Variants in ABLIM2 observed in about 807,000 individuals in gnomAD.
ABLIM2 encodes the protein actin binding LIM protein family member 2, also known as actin-binding LIM protein 2.
A neutral mutation model predicts 97.7 loss-of-function variants in ABLIM2; 53 were observed. That is an observed-to-expected ratio of 0.54 (90% confidence interval 0.44 to 0.68). The LOEUF (loss-of-function observed/expected upper bound fraction) is 0.68. Ranked by LOEUF, ABLIM2 falls within the 30% of genes least tolerant of loss-of-function variation. The probability of loss-of-function intolerance (pLI) is 0.00; values close to 1 mark genes in which losing one functional copy is unlikely to be tolerated. For missense variants in ABLIM2, 835 were observed against 867.2 expected (o/e 0.96, Z 0.47); for synonymous variants, 361 against 345.8 (o/e 1.04, Z -0.49).
intron 1 of ABLIM2, among the ~76,000 whole-genome samples, chr4:8,111,436 A>G (rs1840238877): frequency 6.6e-6 from 1 of 152,238 alleles, no homozygotes; most frequent in African/African-American, 2.4e-5. Context: ...CATAGAACCT[A>G]TAACACTAAG....
rs990899386 is a variant in ABLIM2, at chr4:7,996,831, T to C, written c.1619-3904A>G. On this transcript the variant is annotated intron_variant, in intron 16 of 20. Transcript: ENST00000447017. The surrounding 1 kb of genome is among the most constrained non-coding windows in gnomAD (Gnocchi z 4.5). ...CGTCAGGACACTTCCTGCTGGCCTC[T>C]GTGGCTTCTGATGAGAAATCTGCTA... 6.6e-6 allele frequency among the ~76,000 whole-genome samples: 1 copy of C among 152,238 alleles called. No homozygotes were observed. The highest frequency in any genetic ancestry group is 2.4e-5 in the African/African-American group (1 of 41,470).
intron 1 of ABLIM2, among the ~76,000 whole-genome samples, chr4:8,126,627 G>A (rs572743451): frequency 3.6e-4 from 55 of 152,234 alleles, no homozygotes; most frequent in Middle Eastern, 3.4e-3. Context: ...AGGGAACTGC[G>A]GCATTCATGC....
chr4:8,014,142 A>G (rs10938681), intron 14 of ABLIM2, among the ~76,000 whole-genome samples: 143,071 of 152,344 alleles, frequency 0.94, 67,261 homozygotes, highest in East Asian at 1. Context: ...GACTGCAAGA[A>G]CCTGAGGCAA....
intron 16 of ABLIM2, chr4:8,007,069 C>T (rs1418458192): frequency 4.1e-6 from 4 of 985,368 alleles, no homozygotes; most frequent in Non-Finnish European, 4.8e-6. Flanking sequence ...CATTTCCAAG[C>T]TTCTGTGTCT....
At chr4:8,063,885 C>T (rs1805142065) in intron 6 of ABLIM2, among the ~76,000 whole-genome samples, 3 of 152,260 alleles carry the variant, frequency 2.0e-5, no homozygotes, top group Admixed American at 6.5e-5. Context: ...GGACTTGCTA[C>T]AGCCCCAGTC....
intron 6 of ABLIM2, among the ~76,000 whole-genome samples, chr4:8,062,187 A>G (rs1246007217): frequency 6.6e-6 from 1 of 152,108 alleles, no homozygotes. Context: ...GCTTTCTCTG[A>G]ACCCTTCCCC....
intron 9 of ABLIM2, among the ~76,000 whole-genome samples, chr4:8,040,865 T>A (rs1172900895): frequency 6.6e-6 from 1 of 152,174 alleles, no homozygotes; most frequent in Non-Finnish European, 1.5e-5. Context: ...TGGGAGCACG[T>A]GTCCTTGCAT....
intron 8 of ABLIM2, among the ~76,000 whole-genome samples, chr4:8,049,918 G>A (rs1251509322): frequency 1.3e-5 from 2 of 152,110 alleles, no homozygotes; most frequent in East Asian, 1.9e-4. Flanking sequence ...GGTAGAGAGC[G>A]GGTTTCACCA....
intron 1 of ABLIM2, among the ~76,000 whole-genome samples, chr4:8,145,136 C>T (rs1851582355): frequency 6.6e-6 from 1 of 152,072 alleles, no homozygotes; most frequent in East Asian, 1.9e-4. Context: ...AATCTACAGC[C>T]TCGCTCCTGT....
intron 8 of ABLIM2, among the ~76,000 whole-genome samples, chr4:8,053,058 C>T (rs1797041975): frequency 6.6e-6 from 1 of 152,238 alleles, no homozygotes; most frequent in South Asian, 2.1e-4. Context: ...GGTCACAGAC[C>T]ACCAGCCAGA....
Position 8,123,072 on chromosome 4 carries a change from C to T in ABLIM2, c.11-16435G>A, listed in dbSNP as rs972060466. 2.0e-5 allele frequency among the ~76,000 whole-genome samples: 3 copies of T among 152,190 alleles called. No individual in the cohort carries two copies. The highest frequency in any genetic ancestry group is 7.2e-5 in the African/African-American group (3 of 41,434). ...TCCTGGCATGAAGCAGTCCCCTGTG[C>T]GTGGTTAATGCCCTCAAAGCCCAGC... On this transcript the variant is annotated intron_variant, in intron 1 of 20. Coordinates refer to ENST00000447017, the MANE Select transcript of ABLIM2 (RefSeq NM_001130083.2). This position sits in a 1 kb window ranked among gnomAD's most constrained non-coding sequence, Gnocchi z 6.2.
At position 8,008,092 on chromosome 4, in the gene ABLIM2, G is replaced by A; in HGVS notation, c.1585C>T (p.Leu529Phe). Residue 529 changes from leucine to phenylalanine, a missense_variant, in exon 16 of 21, where the codon CTC (leucine) becomes TTC (phenylalanine). Leu to Phe is a conservative substitution (Grantham distance 22). Coordinates refer to ENST00000447017, the MANE Select transcript of ABLIM2 (RefSeq NM_001130083.2). ...SHSSGTDRDPLQRMAGDSFHS... is the reference protein window; with the variant it reads ...SHSSGTDRDPFQRMAGDSFHS... ...AAGCTGTCCCCTGCCATCCTTTGGA[G>A]AGGGTCTCTGTCGGTCCCGCTGCTG... 6.2e-7 allele frequency: 1 copy of A among 1,614,068 alleles called. No individual in the cohort carries two copies. Among genetic ancestry groups the A allele is most frequent in the Non-Finnish European group, 8.5e-7 (1 of 1,179,906 alleles).
At chr4:7,983,649 C>T (rs781369716) in intron 18 of ABLIM2, 95 bp from the exon 19 acceptor site, 138 of 1,459,598 alleles carry the variant, frequency 9.5e-5, no homozygotes, top group South Asian at 2.9e-4. Context: ...GTACCCCTGT[C>T]TCCCCCCTGC....
intron 14 of ABLIM2, among the ~76,000 whole-genome samples, chr4:8,012,906 T>C (rs1350013673): frequency 6.6e-6 from 1 of 152,226 alleles, no homozygotes; most frequent in African/African-American, 2.4e-5. Context: ...TCAGTCCATC[T>C]ACCCTCTGTT....
At chr4:8,024,658 C>T (rs1776186528) in intron 12 of ABLIM2, among the ~76,000 whole-genome samples, 1 of 152,198 alleles carries the variant, frequency 6.6e-6, no homozygotes, top group South Asian at 2.1e-4. Flanking sequence ...GTGTGGCCTC[C>T]GAGGTCGACC....
At chr4:8,010,209 G>T (rs1157870074) in intron 14 of ABLIM2, among the ~76,000 whole-genome samples, 1 of 152,216 alleles carries the variant, frequency 6.6e-6, no homozygotes, top group East Asian at 1.9e-4. Context: ...TTGTCACCCA[G>T]CTGGGCTGAC....
chr4:8,152,373 C>T (rs1713256766), intron 1 of ABLIM2, among the ~76,000 whole-genome samples: 1 of 152,178 alleles, frequency 6.6e-6, no homozygotes, highest in African/African-American at 2.4e-5. Flanking sequence ...GCATTTCTTC[C>T]TCCGTAGGTA....
intron 7 of ABLIM2, among the ~76,000 whole-genome samples, chr4:8,059,316 ACAG>A: frequency 6.6e-6 from 1 of 152,100 alleles, no homozygotes; most frequent in East Asian, 1.9e-4. Flanking sequence ...ACTGGGGGAA[ACAG>A]CAGACTCAGA....
Position 8,091,366 on chromosome 4 carries a change from ATATTACATATAAT to A in ABLIM2, c.339-3095_339-3083del, listed in dbSNP as rs1340026326. Among the ~76,000 whole-genome samples the A allele has an allele frequency of 3.0e-3, 164 of 55,270 alleles. 1 individual carries two copies. The highest frequency in any genetic ancestry group is 0.017 in the Middle Eastern group (2 of 118). The allele number at this position is 55,270 out of a possible 152,430, so 36.3% of individuals were successfully genotyped here. A position where few individuals can be genotyped will look rare whatever the true frequency, so the allele number is the denominator to read the frequency against. ...ATATATATATAATTATATATATATTATATTACATATAATTATATTATATATAATTATATGTAAT... is the reference window on the plus strand; with the variant it reads ...ATATATATATAATTATATATATATTATATATTATATATAATTATATGTAAT... On this transcript the variant is annotated intron_variant, in intron 3 of 20. Transcript: ENST00000447017.
Sources: gnomAD v4.1 joint callset for allele counts (sites outside exome capture counted in the v4.1 genomes callset) on GRCh38, gnomAD v4.1.1 for gene constraint, Gnocchi (gnomAD v3.1) non-coding constraint, MANE v1.5 for transcripts, NCBI Gene and HGNC (gene_info 2026-07-23, HGNC 2026-07-21) for gene names.